Variants in PAG1 observed in about 807,000 individuals in gnomAD.
The protein encoded by PAG1 is phosphoprotein membrane anchor with glycosphingolipid microdomains 1, also known as phosphoprotein associated with glycosphingolipid-enriched microdomains 1.
Under a neutral mutation model 31.7 loss-of-function variants are expected in PAG1, and 23 were observed. The ratio of observed to expected loss-of-function variants is 0.73; its 90% CI spans 0.52 to 1.03. The LOEUF (loss-of-function observed/expected upper bound fraction) is 1.03, where lower values mean the gene tolerates loss of function less well. Among genes scored for constraint, PAG1 ranks in the 50% least tolerant of loss-of-function variants. PAG1 has a pLI of 0.00. For synonymous variants in PAG1, 214 were observed against 210.3 expected (o/e 1.02, Z -0.15); for missense variants, 473 against 540.7 (o/e 0.87, Z 1.24).
intron 1 of PAG1, among the ~76,000 whole-genome samples, chr8:81,083,171 C>T (rs1399431376): frequency 2.0e-5 from 3 of 152,258 alleles, no homozygotes; most frequent in African/African-American, 7.2e-5. Flanking sequence ...GAGGGGGATG[C>T]ATTCTTACTG....
intron 1 of PAG1, among the ~76,000 whole-genome samples, chr8:81,095,913 G>A (rs541909732): frequency 4.3e-4 from 65 of 152,320 alleles, no homozygotes; most frequent in Non-Finnish European, 8.5e-4. Context: ...TGTGCTCAGG[G>A]AAAATGAATG....
intron 3 of PAG1, among the ~76,000 whole-genome samples, chr8:81,013,757 T>G (rs1808024534): frequency 6.6e-6 from 1 of 152,156 alleles, no homozygotes; most frequent in Non-Finnish European, 1.5e-5. Context: ...TTTTTGTATT[T>G]TTTGTAGAGA....
intron 2 of PAG1, among the ~76,000 whole-genome samples, chr8:81,035,125 G>A (rs1177563661): frequency 6.6e-6 from 1 of 152,182 alleles, no homozygotes; most frequent in Non-Finnish European, 1.5e-5. Context: ...GGTTGGTGAA[G>A]TCAGGAGGGT....
rs375748247 is a variant in PAG1 at position 81,023,095 on chromosome 8, T to C, written c.-81+6901A>G. ...ATATTTTAATTATTTTAAAATTTTA[T>C]GGCACATAAGAAGTGCCTTAAGTAA... On this transcript the variant is annotated intron_variant, in intron 3 of 8. Transcript: ENST00000220597. Among the ~76,000 whole-genome samples the C allele has an allele frequency of 3.9e-5, 6 of 152,194 alleles. No individual in the cohort carries two copies. The South Asian group carries it at 1.2e-3, about 31-fold the overall frequency.
At chr8:81,005,495 C>G (rs1807859100) in intron 3 of PAG1, among the ~76,000 whole-genome samples, 1 of 152,160 alleles carries the variant, frequency 6.6e-6, no homozygotes, top group African/African-American at 2.4e-5. Flanking sequence ...ATCAGTCATG[C>G]TCTTTGGAAG....
chr8:81,013,572 T>C (rs1808021274), intron 3 of PAG1, among the ~76,000 whole-genome samples: 2 of 152,160 alleles, frequency 1.3e-5, no homozygotes, highest in South Asian at 2.1e-4. Context: ...CAACTCAACA[T>C]CAAGTTCCCC....
At chr8:80,999,867 C>A (rs1455590975) in intron 3 of PAG1, among the ~76,000 whole-genome samples, 2 of 152,084 alleles carry the variant, frequency 1.3e-5, no homozygotes, top group African/African-American at 4.8e-5. Context: ...AGCCAATTCT[C>A]AAGGTTCATT....
intron 1 of PAG1, among the ~76,000 whole-genome samples, chr8:81,080,595 A>T (rs1202909833): frequency 6.6e-6 from 1 of 152,170 alleles, no homozygotes; most frequent in African/African-American, 2.4e-5. Flanking sequence ...GTCCCTAAAC[A>T]TCCTATATCT....
At chr8:80,981,534 C>A (rs1358510404) in intron 7 of PAG1, among the ~76,000 whole-genome samples, 1 of 152,138 alleles carries the variant, frequency 6.6e-6, no homozygotes, top group Non-Finnish European at 1.5e-5. Flanking sequence ...TCACTCTGAG[C>A]AGATGATCTT....
At chr8:81,083,357 A>G (rs7828228) in intron 1 of PAG1, among the ~76,000 whole-genome samples, 15,197 of 152,082 alleles carry the variant, frequency 0.1, 2,579 homozygotes, top group African/African-American at 0.34. Flanking sequence ...GGTTCCGCAT[A>G]TGGTTTCTAC....
At position 81,089,246 on chromosome 8, in the gene PAG1, G is replaced by A. The variant is rs1809407532; in HGVS notation, c.-233-19076C>T. On this transcript the variant is annotated intron_variant, in intron 1 of 8. Transcript: ENST00000220597. ...CTGTGGAGGGACTCAGGCAGACGCT[G>A]TGCATGCAGTGGGTTTGTATCATAC... Among the ~76,000 whole-genome samples the A allele has an allele frequency of 3.9e-5, 6 of 152,274 alleles. 1 individual carries two copies. In the South Asian group the frequency reaches 1.0e-3, roughly 26 times the overall value.
intron 1 of PAG1, among the ~76,000 whole-genome samples, chr8:81,110,757 C>T (rs1809761142): frequency 1.3e-5 from 2 of 152,320 alleles, no homozygotes; most frequent in Middle Eastern, 3.4e-3. Context: ...GTTGTTCCTC[C>T]CATGCTCCCT....
chr8:81,077,232 C>T (rs1809193508), intron 1 of PAG1, among the ~76,000 whole-genome samples: 1 of 152,254 alleles, frequency 6.6e-6, no homozygotes, highest in South Asian at 2.1e-4. Context: ...TAAGAGGCAC[C>T]AACTAGAGAA....
intron 8 of PAG1, 43 bp from the exon 9 acceptor site, chr8:80,976,949 T>A: frequency 6.4e-7 from 1 of 1,550,522 alleles, no homozygotes; most frequent in Non-Finnish European, 8.7e-7. Context: ...CAGCTGTGAC[T>A]TCCCCCTCCC....
intron 1 of PAG1, among the ~76,000 whole-genome samples, chr8:81,078,902 A>G (rs1809220081): frequency 6.6e-6 from 1 of 152,144 alleles, no homozygotes; most frequent in African/African-American, 2.4e-5. Context: ...CTGGTTCCAG[A>G]GTACAGGCGC....
chr8:80,981,602 G>A (rs1807301653), intron 7 of PAG1, among the ~76,000 whole-genome samples: 1 of 151,906 alleles, frequency 6.6e-6, no homozygotes, highest in African/African-American at 2.4e-5. Context: ...TCAACTCTTA[G>A]CCCCACCCTC....
intron 3 of PAG1, among the ~76,000 whole-genome samples, chr8:81,014,645 A>C (rs1044592836): frequency 1.3e-5 from 2 of 152,214 alleles, no homozygotes; most frequent in Admixed American, 1.3e-4. Context: ...TGGAATGGCC[A>C]CGTAAACATG....
intron 3 of PAG1, among the ~76,000 whole-genome samples, chr8:81,016,911 G>T (rs1229395864): frequency 6.6e-6 from 1 of 152,156 alleles, no homozygotes; most frequent in African/African-American, 2.4e-5. Flanking sequence ...AATCTAGGTT[G>T]ACCCTGCTGA....
chr8:80,987,324 A>T, intron 6 of PAG1, 46 bp downstream of exon 6: 1 of 1,158,458 alleles, frequency 8.6e-7, no homozygotes, highest in Non-Finnish European at 1.3e-6. Flanking sequence ...GGACTTCCAG[A>T]GGTGATGAGG....
Sources: gnomAD v4.1 joint callset for allele counts (sites outside exome capture counted in the v4.1 genomes callset) on GRCh38, gnomAD v4.1.1 for gene constraint, MANE v1.5 for transcripts, NCBI Gene and HGNC (gene_info 2026-07-23, HGNC 2026-07-21) for gene names.